Variants in PIAS3 observed in about 807,000 individuals in gnomAD.
PIAS3 encodes the protein E3 SUMO-protein ligase PIAS3.
Under a neutral mutation model 67.6 loss-of-function variants are expected in PIAS3, and 34 were observed. That is an observed-to-expected ratio of 0.50 (90% CI 0.38 to 0.67). The LOEUF (loss-of-function observed/expected upper bound fraction) is 0.67, where lower values mean the gene tolerates loss of function less well. PIAS3 is among the 30% of genes least tolerant of loss of function. The pLI is 0.00. For missense variants in PIAS3, 693 were observed against 791.6 expected (o/e 0.88, Z 1.49); for synonymous variants, 341 against 313.8 (o/e 1.09, Z -0.92).
chr1:145,853,409 C>T, intron 9 of PIAS3, 95 bp downstream of exon 9: 1 of 775,390 alleles, frequency 1.3e-6, no homozygotes, highest in Non-Finnish European at 1.8e-6. Context: ...GATTCCATCT[C>T]AAAAAAAAAA....
intron 1 of PIAS3, chr1:145,857,536 C>T (rs587628489): frequency 6.3e-6 from 1 of 159,538 alleles, no homozygotes; most frequent in South Asian, 1.7e-4. Context: ...CCCACCCCTC[C>T]CAACCACCTT....
At chr1:145,858,316 C>T (rs1324401563) in intron 1 of PIAS3, among the ~76,000 whole-genome samples, 2 of 152,076 alleles carry the variant, frequency 1.3e-5, no homozygotes, top group Non-Finnish European at 2.9e-5. Flanking sequence ...TCCCCTATAA[C>T]TTCCCACCTT....
Position 145,849,649 on chromosome 1 carries a change from A to G in PIAS3, c.1684T>C (p.Tyr562His). ...EQDALGHFFQ[Y>H]RGTPSHFLGP... Reference sequence around the variant, plus strand: ...AGAAAGTGAGAAGGGGTCCCTCGGTACTGGAAGAAGTGGCCAAGGGCATCC... The same window carrying G: ...AGAAAGTGAGAAGGGGTCCCTCGGTGCTGGAAGAAGTGGCCAAGGGCATCC... The change falls in exon 14 of 14, where the codon TAC becomes CAC. Residue 562 changes from tyrosine to histidine, a missense_variant. Physicochemically the swap from Tyr to His is moderately conservative, Grantham distance 83. Coordinates refer to ENST00000393045, the MANE Select transcript of PIAS3 (RefSeq NM_006099.3). 6.2e-7 allele frequency: 1 copy of G among 1,613,256 alleles called. No individual in the cohort carries two copies. Among genetic ancestry groups the G allele is most frequent in the East Asian group, 2.2e-5 (1 of 44,790 alleles).
chr1:145,858,035 C>T (rs143257336), intron 1 of PIAS3, among the ~76,000 whole-genome samples: 34 of 152,240 alleles, frequency 2.2e-4, no homozygotes, highest in Middle Eastern at 3.4e-3. Context: ...AGGAGGCAGG[C>T]GGATGAACTC....
At chr1:145,858,546 G>A (rs2101688171) in intron 1 of PIAS3, among the ~76,000 whole-genome samples, 1 of 151,518 alleles carries the variant, frequency 6.6e-6, no homozygotes, top group Non-Finnish European at 1.5e-5. Flanking sequence ...CTTTCCCCCG[G>A]AGCCTCCCCT....
rs1559162605 is a variant in PIAS3 at position 145,851,033 on chromosome 1, C to T, written c.1266G>A (p.Gly422=). The T allele has an allele frequency of 6.2e-7, 1 of 1,614,216 alleles. No homozygotes were observed. Among genetic ancestry groups the T allele is most frequent in the East Asian group, 2.2e-5 (1 of 44,886 alleles). The part of the protein sequence containing the change: ...KEASEVCPPP[G]YGLDGLQYSP... ...GGGGTCACTCACCATCCAGCCCATA[C>T]CCTGGCGGGGGGCAAACCTCAGATG... Residue 422 remains glycine (G), a synonymous_variant, in exon 10 of 14, where the codon GGG becomes GGA. Coordinates refer to ENST00000393045, the MANE Select transcript of PIAS3 (RefSeq NM_006099.3).
Position 145,848,762 on chromosome 1 carries a change from G to A in PIAS3, c.*684C>T, listed in dbSNP as rs1360167519. On this transcript the variant is annotated 3_prime_UTR_variant, in exon 14 of 14. Coordinates refer to ENST00000393045, the MANE Select transcript of PIAS3 (RefSeq NM_006099.3). ...CTGTGAACTTAGATATATAAATAGAGAGAGACCCAAGCAATAGGCCGGGCC... is the reference window on the plus strand; with the variant it reads ...CTGTGAACTTAGATATATAAATAGAAAGAGACCCAAGCAATAGGCCGGGCC... 4 of 328,594 alleles carry A rather than the reference G, an allele frequency of 1.2e-5. No homozygotes were observed. Among genetic ancestry groups the A allele is most frequent in the South Asian group, 5.5e-5 (1 of 18,286 alleles). The allele number at this position is 328,594 out of a possible 1,614,324, so 20.4% of individuals were successfully genotyped here. A position where few individuals can be genotyped will look rare whatever the true frequency, so the allele number is the denominator to read the frequency against.
In PIAS3 at chr1:145,851,059, C is replaced by G. The variant is rs1553734241; in HGVS notation, c.1240G>C (p.Ala414Pro). ...CCTGGCGGGGGGCAAACCTCAGATG[C>G]CTCCTTCTTGGGTTTCATTGGGCAC... ...SWCPMKPKKE[A>P]SEVCPPPGYG... is the part of the protein sequence containing the mutation. Residue 414 changes from alanine (A) to proline (P), a missense_variant, in exon 10 of 14, where the codon GCA becomes CCA. By Grantham distance (27) the Ala-to-Pro change is conservative. Around this residue, in one of 3 missense-constraint regions of PIAS3, gnomAD observed 115 missense variants for 181.8 expected, o/e 0.63. Transcript: ENST00000393045. The G allele has an allele frequency of 1.2e-6, 2 of 1,614,080 alleles. No homozygotes were observed. The highest frequency in any genetic ancestry group is 2.7e-5 in the African/African-American group (2 of 74,924).
intron 4 of PIAS3, 89 bp from the exon 5 acceptor site, chr1:145,855,915 C>G (rs958399179): frequency 3.4e-5 from 36 of 1,073,738 alleles, no homozygotes; most frequent in Non-Finnish European, 5.0e-5. Flanking sequence ...GAAAATCAGT[C>G]ATAGATGCCT....
chr1:145,856,127 G>A lies in PIAS3; in HGVS notation c.528-9C>T. On this transcript the variant is annotated splice_polypyrimidine_tract_variant and intron_variant, in intron 3 of 13. Transcript: ENST00000393045. ...CTCCTGGCAGAACCTCTCTGTAACAGGGAGGGAGATGAAGAGATGTCAGCA... is the reference window on the plus strand; with the variant it reads ...CTCCTGGCAGAACCTCTCTGTAACAAGGAGGGAGATGAAGAGATGTCAGCA... 3 of 1,612,594 alleles carry A rather than the reference G, an allele frequency of 1.9e-6. No individual in the cohort carries two copies. Among genetic ancestry groups the A allele is most frequent in the Non-Finnish European group, 2.5e-6 (3 of 1,178,612 alleles).
At chr1:145,853,387 G>A (rs1159834352) in intron 9 of PIAS3, 117 bp downstream of exon 9, 3 of 804,214 alleles carry the variant, frequency 3.7e-6, no homozygotes, top group Non-Finnish European at 3.7e-6. Flanking sequence ...TCCAGCCTGG[G>A]GAACAGAGTA....
chr1:145,852,021 G>A (rs910650265), intron 9 of PIAS3, among the ~76,000 whole-genome samples: 6 of 150,986 alleles, frequency 4.0e-5, no homozygotes, highest in African/African-American at 1.5e-4. Flanking sequence ...AAGGAGCAGA[G>A]ACACAGAAGT....
chr1:145,849,334 C>G lies in PIAS3; in HGVS notation c.*112G>C, dbSNP rs1553733511. 3.5e-6 allele frequency: 4 copies of G among 1,139,910 alleles called. No homozygotes were observed. The highest frequency in any genetic ancestry group is 2.5e-5 in the South Asian group (1 of 40,008). 70.6% of individuals were successfully genotyped at this position (1,139,910 alleles called of 1,614,324 possible). On this transcript the variant is annotated 3_prime_UTR_variant, in exon 14 of 14. Transcript: ENST00000393045. ...GCCAAAAGTAGGCATCTGTGAAGGT[C>G]TGTCTGGCCCTTGGCCAGAGCCCCC...
At chr1:145,852,840 CCCATCTCAGCCTT>C (rs1324389440) in intron 9 of PIAS3, among the ~76,000 whole-genome samples, 1 of 152,116 alleles carries the variant, frequency 6.6e-6, no homozygotes, top group African/African-American at 2.4e-5. Context: ...AAATGATCTT[CCCATCTCAGCCTT>C]CCAGTGTTGG....
intron 7 of PIAS3, 59 bp downstream of exon 7, chr1:145,854,399 G>A: frequency 8.5e-7 from 1 of 1,183,280 alleles, no homozygotes; most frequent in South Asian, 1.2e-5. Flanking sequence ...ATGAAGGCTG[G>A]AGGGCCAGGA....
chr1:145,854,868 G>A lies in PIAS3; in HGVS notation c.682C>T (p.Pro228Ser), dbSNP rs1275467900. The A allele has an allele frequency of 1.9e-6, 3 of 1,614,066 alleles. No homozygotes were observed. The African/African-American group carries it at 4.0e-5, about 22-fold the overall frequency. Residue 228 changes from proline to serine, a missense_variant, in exon 6 of 14, where the codon CCA becomes TCA. This residue lies in a region of PIAS3 where 308 missense variants were observed against 348.8 expected (regional missense o/e 0.88). Coordinates refer to ENST00000393045, the MANE Select transcript of PIAS3 (RefSeq NM_006099.3). Reference sequence around the variant, plus strand: ...TTGGGCTCGGCCCCATTCTTGGTTGGGGGAAGGTAACCCTGGAGAAGGGAG... The same window carrying A: ...TTGGGCTCGGCCCCATTCTTGGTTGAGGGAAGGTAACCCTGGAGAAGGGAG... Reference protein sequence around the residue: ...KLCPLPGYLPPTKNGAEPKRP... With the variant: ...KLCPLPGYLPSTKNGAEPKRP...
chr1:145,856,588 C>A lies in PIAS3; in HGVS notation c.442+1G>T, dbSNP rs1653197908. 2 of 1,568,282 alleles carry A rather than the reference C, an allele frequency of 1.3e-6. No homozygotes were observed. The highest frequency in any genetic ancestry group is 1.7e-6 in the Non-Finnish European group (2 of 1,156,874). On this transcript the variant is annotated splice_donor_variant, in intron 2 of 13. Coordinates refer to ENST00000393045, the MANE Select transcript of PIAS3 (RefSeq NM_006099.3). LOFTEE classifies it high-confidence loss of function. Reference sequence around the variant, plus strand: ...GACTAAGGGACCACAAAGAGCCATACCAAGGGTGGTGGGCCGGATGAGCTC... The same window carrying A: ...GACTAAGGGACCACAAAGAGCCATAACAAGGGTGGTGGGCCGGATGAGCTC...
intron 9 of PIAS3, 41 bp from the exon 10 acceptor site, chr1:145,851,194 T>C (rs1652948770): frequency 6.2e-7 from 1 of 1,606,996 alleles, no homozygotes; most frequent in East Asian, 2.2e-5. Flanking sequence ...GGCTGGGAGA[T>C]GAGCAGAACA....
In PIAS3 at chr1:145,849,423, G is replaced by T. The variant is rs199988667; in HGVS notation, c.*23C>A. The T allele has an allele frequency of 6.2e-5, 92 of 1,478,196 alleles. No individual in the cohort carries two copies. The highest frequency in any genetic ancestry group is 2.4e-4 in the Admixed American group (10 of 40,864). The allele number at this position is 1,478,196 out of a possible 1,614,324, so 91.6% of individuals were successfully genotyped here. On this transcript the variant is annotated 3_prime_UTR_variant, in exon 14 of 14. Coordinates refer to ENST00000393045, the MANE Select transcript of PIAS3 (RefSeq NM_006099.3). ...TACTTGCTCAGTGTTGGGGGACAGC[G>T]AAGTTTCCATAATCCAGGGAACTCA... is the stretch of plus-strand genomic sequence containing the variant.
Sources: allele counts gnomAD v4.1 joint callset (sites outside exome capture counted in the v4.1 genomes callset), GRCh38; gene constraint gnomAD v4.1.1; regional missense constraint gnomAD v4.1.1; transcripts MANE v1.5; gene names NCBI Gene and HGNC (gene_info 2026-07-23, HGNC 2026-07-21).